The following DYRK1A variants were observed in gnomAD, a reference collection of about 807,000 sequenced individuals.
DYRK1A encodes dual specificity tyrosine-phosphorylation-regulated kinase 1A.
A neutral mutation model predicts 79.7 loss-of-function variants in DYRK1A; 9 were observed. That is an observed-to-expected ratio of 0.11 (90% CI 0.07 to 0.20). DYRK1A has a LOEUF of 0.20. Among genes scored for constraint, DYRK1A ranks in the 10% least tolerant of loss-of-function variants. The pLI, the probability that DYRK1A is intolerant of heterozygous loss-of-function variation, is 1.00. For missense variants in DYRK1A, 622 were observed against 956.0 expected (o/e 0.65, Z 4.61); for synonymous variants, 349 against 329.7 (o/e 1.06, Z -0.63).
At chr21:37,494,090 C>T (rs747031557) in intron 8 of DYRK1A, among the ~76,000 whole-genome samples, 9 of 151,980 alleles carry the variant, frequency 5.9e-5, no homozygotes, top group African/African-American at 1.4e-4. Flanking sequence ...TGATGTTTCA[C>T]CATGTTGGCC....
rs1158575022 is a variant in DYRK1A at position 37,514,079 on chromosome 21, G to GT, written c.*1549dup. The stretch of plus-strand genomic sequence containing the variant: ...TCTAAGTGTGTTCAGGCTTCTGAAG[G>GT]TAAAGGGACACTGGATCCAGAAGCT... On this transcript the variant is annotated 3_prime_UTR_variant, in exon 12 of 12. Transcript: ENST00000647188. 9 of 152,748 alleles carry GT rather than the reference G, an allele frequency of 5.9e-5. No individual in the cohort carries two copies. The highest frequency in any genetic ancestry group is 2.6e-4 in the Admixed American group (4 of 15,308). The allele number at this position is 152,748 out of a possible 1,614,324, so 9.5% of individuals were successfully genotyped here.
chr21:37,436,764 A>G (rs2050936844), intron 2 of DYRK1A, among the ~76,000 whole-genome samples: 1 of 152,234 alleles, frequency 6.6e-6, no homozygotes, highest in Admixed American at 6.5e-5. Context: ...ACACGTCCCC[A>G]GGCATATATA....
intron 9 of DYRK1A, among the ~76,000 whole-genome samples, chr21:37,500,672 T>A (rs1372931724): frequency 1.3e-5 from 2 of 152,144 alleles, no homozygotes; most frequent in African/African-American, 2.4e-5. Context: ...AAATTTTTTT[T>A]AAGTTAGTTT....
At chr21:37,390,242 G>A (rs1213002738) in intron 1 of DYRK1A, among the ~76,000 whole-genome samples, 3 of 152,096 alleles carry the variant, frequency 2.0e-5, no homozygotes, top group Non-Finnish European at 2.9e-5. Context: ...GGTTTGGGCC[G>A]CAATTTTGGG....
chr21:37,375,997 C>G (rs1021143351), intron 1 of DYRK1A, among the ~76,000 whole-genome samples: 5 of 151,926 alleles, frequency 3.3e-5, no homozygotes, highest in South Asian at 2.1e-4. Flanking sequence ...ACCGCAGGCC[C>G]CACAAGCAGA....
At chr21:37,409,691 G>T (rs1203648767) in intron 1 of DYRK1A, among the ~76,000 whole-genome samples, 1 of 152,032 alleles carries the variant, frequency 6.6e-6, no homozygotes, top group Non-Finnish European at 1.5e-5. Flanking sequence ...TAATAAATTA[G>T]TAATTACTCA....
intron 1 of DYRK1A, among the ~76,000 whole-genome samples, chr21:37,381,682 G>A (rs2049661504): frequency 6.6e-6 from 1 of 152,108 alleles, no homozygotes; most frequent in Admixed American, 6.5e-5. Flanking sequence ...CAGCTACTCG[G>A]GAGCCTGAGG....
chr21:37,494,253 G>GT (rs562479781), intron 8 of DYRK1A, among the ~76,000 whole-genome samples: 623 of 141,938 alleles, frequency 4.4e-3, no homozygotes, highest in African/African-American at 0.01. Flanking sequence ...GTCATAGTTT[G>GT]TTTTTTTTTT....
intron 2 of DYRK1A, among the ~76,000 whole-genome samples, chr21:37,455,844 T>A (rs888260880): frequency 6.6e-6 from 1 of 152,220 alleles, no homozygotes; most frequent in African/African-American, 2.4e-5. Context: ...AGTACTGTTA[T>A]AAACCCATTC....
intron 1 of DYRK1A, among the ~76,000 whole-genome samples, chr21:37,411,552 G>T (rs1305080604): frequency 6.6e-6 from 1 of 152,140 alleles, no homozygotes; most frequent in Non-Finnish European, 1.5e-5. Flanking sequence ...GAGGCCAATG[G>T]AATTTGAAGT....
chr21:37,455,079 C>CA (rs1385838064), intron 2 of DYRK1A, among the ~76,000 whole-genome samples: 2 of 141,496 alleles, frequency 1.4e-5, no homozygotes, highest in Admixed American at 7.2e-5. Context: ...TACATTCTGG[C>CA]AAAAAACAGG....
At chr21:37,498,613 T>C (rs2053346462) in intron 9 of DYRK1A, among the ~76,000 whole-genome samples, 1 of 152,212 alleles carries the variant, frequency 6.6e-6, no homozygotes, top group African/African-American at 2.4e-5. Flanking sequence ...ATTTGGTTTG[T>C]TCCCAGTTTG....
chr21:37,451,376 C>A (rs2051444575), intron 2 of DYRK1A, among the ~76,000 whole-genome samples: 1 of 84,838 alleles, frequency 1.2e-5, no homozygotes. Context: ...CTCCCTCCAT[C>A]CCTCCCCCAC....
intron 1 of DYRK1A, among the ~76,000 whole-genome samples, chr21:37,388,396 A>G (rs116552372): frequency 0.01 from 1,537 of 152,140 alleles, 23 homozygotes; most frequent in African/African-American, 0.034. Context: ...CCTCTTTTGC[A>G]TTTGTAAAAG....
intron 1 of DYRK1A, among the ~76,000 whole-genome samples, chr21:37,408,756 G>GT (rs1372345712): frequency 1.3e-5 from 2 of 152,134 alleles, no homozygotes; most frequent in Non-Finnish European, 2.9e-5. Flanking sequence ...ACTCACATTT[G>GT]TTTCAGTAAA....
At chr21:37,438,061 T>G (rs2050979176) in intron 2 of DYRK1A, among the ~76,000 whole-genome samples, 1 of 152,316 alleles carries the variant, frequency 6.6e-6, no homozygotes, top group Non-Finnish European at 1.5e-5. Flanking sequence ...TAGTGATATC[T>G]CATTGTGTTT....
intron 2 of DYRK1A, among the ~76,000 whole-genome samples, chr21:37,467,811 A>AG (rs1555975432): frequency 1.3e-5 from 2 of 152,126 alleles, no homozygotes; most frequent in African/African-American, 4.8e-5. Flanking sequence ...AATATGTGAG[A>AG]GTAGTGTCTG....
At chr21:37,389,950 G>T (rs6517413) in intron 1 of DYRK1A, among the ~76,000 whole-genome samples, 6,095 of 150,458 alleles carry the variant, frequency 0.041, 447 homozygotes, top group African/African-American at 0.14. Context: ...TAGAGACAGG[G>T]TGTTGCTCAC....
At chr21:37,480,911 G>A (rs577029286) in intron 5 of DYRK1A, 85 bp downstream of exon 5, 3 of 1,120,324 alleles carry the variant, frequency 2.7e-6, no homozygotes, top group Non-Finnish European at 3.8e-6. Flanking sequence ...CCTCAAGAGT[G>A]TACTTTTAAT....
Sources: allele counts gnomAD v4.1 joint callset (sites outside exome capture counted in the v4.1 genomes callset), GRCh38; gene constraint gnomAD v4.1.1; transcripts MANE v1.5; gene names NCBI Gene and HGNC (gene_info 2026-07-23, HGNC 2026-07-21).